The following LYN variants were observed in gnomAD, a reference collection of about 807,000 sequenced individuals.
The protein encoded by LYN is tyrosine-protein kinase Lyn.
In LYN, 12 loss-of-function variants were observed where a neutral mutation model predicts 65.0. The observed-to-expected ratio is 0.18, with a 90% confidence interval of 0.12 to 0.30. The LOEUF (loss-of-function observed/expected upper bound fraction) is 0.30. LYN is among the 10% of genes least tolerant of loss of function. The pLI is 1.00. For synonymous variants in LYN, 222 were observed against 221.2 expected (o/e 1.00, Z -0.03); for missense variants, 380 against 623.2 (o/e 0.61, Z 4.16).
At position 56,010,697 on chromosome 8, in the gene LYN, C is replaced by G. The variant is rs1386174016; in HGVS notation, c.*587C>G. The G allele has an allele frequency of 1.7e-5, 4 of 231,334 alleles. No homozygotes were observed. Among genetic ancestry groups the G allele is most frequent in the African/African-American group, 8.9e-5 (4 of 44,848 alleles). 14.3% of individuals were successfully genotyped at this position (231,334 alleles called of 1,614,324 possible). On this transcript the variant is annotated 3_prime_UTR_variant, in exon 13 of 13. Coordinates refer to ENST00000519728, the MANE Select transcript of LYN (RefSeq NM_002350.4). ...CTCCCAAAATCTGAGACTGTTAAAA[C>G]ATTTTTCTTCTATGAACACTGCTCA...
intron 1 of LYN, among the ~76,000 whole-genome samples, chr8:55,925,473 C>T (rs1286648629): frequency 6.6e-6 from 1 of 152,150 alleles, no homozygotes; most frequent in Non-Finnish European, 1.5e-5. Flanking sequence ...GTTTAAAATC[C>T]TTGGCTAGGT....
Position 55,953,827 on chromosome 8 carries a change from A to G in LYN, c.638-5A>G. On this transcript the variant is annotated splice_region_variant and splice_polypyrimidine_tract_variant and intron_variant, in intron 7 of 12. Coordinates refer to ENST00000519728, the MANE Select transcript of LYN (RefSeq NM_002350.4). ...CTTAACCTTCATTTTTCCCTTTCAA[A>G]TTAGAGCAGGCAGATGGCTTGTGCA... 6.2e-7 allele frequency: 1 copy of G among 1,612,330 alleles called. No individual in the cohort carries two copies. Among genetic ancestry groups the G allele is most frequent in the Non-Finnish European group, 8.5e-7 (1 of 1,179,450 alleles).
At chr8:55,928,431 C>G (rs886714243) in intron 1 of LYN, among the ~76,000 whole-genome samples, 2 of 152,218 alleles carry the variant, frequency 1.3e-5, no homozygotes, top group African/African-American at 4.8e-5. Context: ...CAGTCATGAG[C>G]CACCACGCAG....
At chr8:55,946,947 C>CA (rs1806796457) in intron 3 of LYN, among the ~76,000 whole-genome samples, 1 of 152,120 alleles carries the variant, frequency 6.6e-6, no homozygotes, top group Non-Finnish European at 1.5e-5. Flanking sequence ...AATAATATTT[C>CA]CTTGTAAGTA....
intron 1 of LYN, among the ~76,000 whole-genome samples, chr8:55,910,199 T>C (rs1205245206): frequency 6.6e-6 from 1 of 152,190 alleles, no homozygotes; most frequent in Non-Finnish European, 1.5e-5. Flanking sequence ...GCTTTTGAGG[T>C]CTTAGTCATG....
rs553310087 is a variant in LYN, at chr8:55,913,899, C to T, written c.-5-27956C>T. Among the ~76,000 whole-genome samples, 140 of 152,082 alleles carry T rather than the reference C, an allele frequency of 9.2e-4. 1 individual carries two copies. The highest frequency in any genetic ancestry group is 2.7e-3 in the African/African-American group (111 of 41,444). On this transcript the variant is annotated intron_variant, in intron 1 of 12. Coordinates refer to ENST00000519728, the MANE Select transcript of LYN (RefSeq NM_002350.4). ...GGAGTACTGGGCTTTCTTATGGCTG[C>T]GAGAGAGGATGAGTTGGAATGAGAT...
intron 1 of LYN, among the ~76,000 whole-genome samples, chr8:55,896,045 A>T (rs1805086778): frequency 1.3e-5 from 2 of 152,210 alleles, no homozygotes; most frequent in South Asian, 4.1e-4. Flanking sequence ...AGCAAAGAGA[A>T]CACCTTTTCT....
chr8:55,943,446 C>T (rs1275364465), intron 2 of LYN, among the ~76,000 whole-genome samples: 2 of 151,566 alleles, frequency 1.3e-5, no homozygotes, highest in South Asian at 2.1e-4. Flanking sequence ...TGTGGTGGTG[C>T]GTGCCTGTAG....
At chr8:55,972,919 C>T (rs1054848299) in intron 10 of LYN, among the ~76,000 whole-genome samples, 8 of 152,210 alleles carry the variant, frequency 5.3e-5, no homozygotes, top group African/African-American at 1.9e-4. Context: ...AATGATGCGA[C>T]TTGCTGTCTT....
rs57413136 is a variant in LYN, at chr8:55,988,291, G to GGTGTGTGTGTGTGT, written c.1051-10030_1051-10017dup. ...TTCTTAAACTTTTTGCAAACTCCCT[G>GGTGTGTGTGTGTGT]GTGTGTGTGTGTGTGTGTGTGTGTG... On this transcript the variant is annotated intron_variant, in intron 10 of 12. Transcript: ENST00000519728. 5.9e-3 allele frequency among the ~76,000 whole-genome samples: 840 copies of GGTGTGTGTGTGTGT among 142,174 alleles called. 2 individuals carry two copies. Among genetic ancestry groups the GGTGTGTGTGTGTGT allele is most frequent in the Middle Eastern group, 0.018 (5 of 274 alleles). The allele number at this position is 142,174 out of a possible 152,430, so 93.3% of individuals were successfully genotyped here. A position where few individuals can be genotyped will look rare whatever the true frequency, so the allele number is the denominator to read the frequency against.
At chr8:55,934,611 A>G (rs13249338) in intron 1 of LYN, among the ~76,000 whole-genome samples, 82,844 of 152,102 alleles carry the variant, frequency 0.54, 23,517 homozygotes, top group East Asian at 0.66. Context: ...GCCCTGGGAC[A>G]GCATCTGGCT....
In LYN at chr8:55,972,264, G is replaced by GGCTC. The variant is rs533781809; in HGVS notation, c.1050+2472_1050+2475dup. 1.1e-3 allele frequency among the ~76,000 whole-genome samples: 167 copies of GGCTC among 152,254 alleles called. 1 individual carries two copies. The highest frequency in any genetic ancestry group is 5.6e-3 in the South Asian group (27 of 4,830). Reference sequence around the variant, plus strand: ...TTCATTTTCCTTACAACTAAGCACTGGCTCCATTTGAGTTCATCTTTGCTC... The same window carrying GGCTC: ...TTCATTTTCCTTACAACTAAGCACTGGCTCGCTCCATTTGAGTTCATCTTTGCTC... On this transcript the variant is annotated intron_variant, in intron 10 of 12. Coordinates refer to ENST00000519728, the MANE Select transcript of LYN (RefSeq NM_002350.4).
intron 1 of LYN, among the ~76,000 whole-genome samples, chr8:55,939,695 G>A (rs895109204): frequency 9.9e-5 from 15 of 152,188 alleles, no homozygotes; most frequent in Non-Finnish European, 2.1e-4. Context: ...CAGGGTCCTC[G>A]TGCTGCTATT....
chr8:55,966,790 A>G lies in LYN; in HGVS notation c.866A>G (p.Glu289Gly). Residue 289 changes from glutamate (E) to glycine (G), a missense_variant, in exon 9 of 13, where the codon GAA becomes GGA. Transcript: ENST00000519728. ...ACTATGTCTGTGCAAGCCTTCCTGG[A>G]AGAAGCCAACCTCATGAAGACCCTG... ...PGTMSVQAFL[E>G]EANLMKTLQH... The G allele has an allele frequency of 6.2e-7, 1 of 1,614,174 alleles. No individual in the cohort carries two copies. Among genetic ancestry groups the G allele is most frequent in the South Asian group, 1.1e-5 (1 of 91,078 alleles).
intron 12 of LYN, among the ~76,000 whole-genome samples, chr8:56,007,002 G>A (rs1808691526): frequency 6.6e-6 from 1 of 152,126 alleles, no homozygotes; most frequent in African/African-American, 2.4e-5. Flanking sequence ...ACAGGGTGGA[G>A]CATGTCCAGC....
intron 1 of LYN, among the ~76,000 whole-genome samples, chr8:55,900,964 A>G (rs1413882274): frequency 1.3e-5 from 2 of 152,090 alleles, no homozygotes; most frequent in East Asian, 3.9e-4. Flanking sequence ...ATTGGCAAAG[A>G]AGACGTGGAT....
In LYN at chr8:55,880,109, T is replaced by C; in HGVS notation, c.-6+6T>C. ...GAAACTTTCACCGCGAGCGGGTGAG[T>C]CCTCTGCGCGAGCCCAGGGGTGGGC... On this transcript the variant is annotated splice_donor_region_variant and intron_variant, in intron 1 of 12. Coordinates refer to ENST00000519728, the MANE Select transcript of LYN (RefSeq NM_002350.4). 1 of 278,782 alleles carries C rather than the reference T, an allele frequency of 3.6e-6. No homozygotes were observed. The highest frequency in any genetic ancestry group is 2.9e-5 in the South Asian group (1 of 34,782). 17.3% of individuals were successfully genotyped at this position (278,782 alleles called of 1,614,324 possible).
At chr8:56,001,875 C>T (rs150420035) in intron 12 of LYN, among the ~76,000 whole-genome samples, 48 of 152,258 alleles carry the variant, frequency 3.2e-4, no homozygotes, top group Non-Finnish European at 4.3e-4. Flanking sequence ...TTGGGCCCCT[C>T]GCTGGTGGCA....
chr8:55,987,406 CA>C (rs879257306), intron 10 of LYN, among the ~76,000 whole-genome samples: 27,399 of 107,044 alleles, frequency 0.26, 2,460 homozygotes, highest in Middle Eastern at 0.33. Flanking sequence ...GACTTCATCT[CA>C]AAAAAAAAAA....
Sources: gnomAD v4.1 joint callset for allele counts (sites outside exome capture counted in the v4.1 genomes callset) on GRCh38, gnomAD v4.1.1 for gene constraint, MANE v1.5 for transcripts, NCBI Gene and HGNC (gene_info 2026-07-23, HGNC 2026-07-21) for gene names.